Variants in ZNF879 observed in about 807,000 individuals in gnomAD.
ZNF879 encodes zinc finger protein 879.
Under a neutral mutation model 44.3 loss-of-function variants are expected in ZNF879, and 32 were observed. That is an observed-to-expected ratio of 0.72 (90% CI 0.54 to 0.97). The LOEUF (loss-of-function observed/expected upper bound fraction) is 0.97, where lower values mean the gene tolerates loss of function less well. ZNF879 is among the 50% of genes least tolerant of loss of function. The pLI, the probability that ZNF879 is intolerant of heterozygous loss-of-function variation, is 0.00. For synonymous variants in ZNF879, 234 were observed against 233.2 expected, an observed-to-expected ratio of 1.00 and a Z score of -0.03; for missense variants, 621 against 669.7, an observed-to-expected ratio of 0.93 and a Z score of 0.80.
rs1160907038 is a variant in ZNF879, at chr5:179,034,427, CAG to C, written c.*789_*790del. On this transcript the variant is annotated 3_prime_UTR_variant, in exon 5 of 5. Transcript: ENST00000444149. ...TACTGAAAAATGTTATAAATTATCTCAGAATGTAGCCAATAGCAAGCACAGCT... is the reference window on the plus strand; with the variant it reads ...TACTGAAAAATGTTATAAATTATCTCAATGTAGCCAATAGCAAGCACAGCT... 6.6e-6 allele frequency: 1 copy of C among 152,218 alleles called. No homozygotes were observed. Among genetic ancestry groups the C allele is most frequent in the East Asian group, 1.9e-4 (1 of 5,198 alleles). The allele number at this position is 152,218 out of a possible 1,614,324, so 9.4% of individuals were successfully genotyped here. A position where few individuals can be genotyped will look rare whatever the true frequency, so the allele number is the denominator to read the frequency against.
intron 4 of ZNF879, 92 bp downstream of exon 4, chr5:179,028,219 C>A: frequency 8.9e-7 from 1 of 1,122,518 alleles, no homozygotes; most frequent in Non-Finnish European, 1.3e-6. Context: ...CCTTGATGTG[C>A]CAGGCCAGGG....
intron 1 of ZNF879, 56 bp from the exon 2 acceptor site, chr5:179,024,914 G>A: frequency 7.3e-7 from 1 of 1,379,266 alleles, no homozygotes; most frequent in African/African-American, 1.4e-5. Context: ...CTGGCCTAAT[G>A]AGGGTGGGCA....
chr5:179,024,837 C>A, intron 1 of ZNF879, 133 bp from the exon 2 acceptor site: 2 of 647,004 alleles, frequency 3.1e-6, no homozygotes, highest in Non-Finnish European at 5.3e-6. Context: ...GGACTTAGGG[C>A]CCCTCTGGCC....
At chr5:179,025,840 C>T (rs1247239983) in intron 2 of ZNF879, among the ~76,000 whole-genome samples, 1 of 151,982 alleles carries the variant, frequency 6.6e-6, no homozygotes, top group Non-Finnish European at 1.5e-5. Context: ...TCACTTGAAC[C>T]CGGGAGGCAG....
chr5:179,027,410 G>A (rs1761300005), intron 2 of ZNF879, 63 bp from the exon 3 acceptor site: 1 of 1,595,658 alleles, frequency 6.3e-7, no homozygotes, highest in African/African-American at 1.3e-5. Context: ...TGACAGGGTT[G>A]CTTCTCAGTC....
intron 2 of ZNF879, among the ~76,000 whole-genome samples, chr5:179,026,918 C>T (rs1026473634): frequency 6.6e-6 from 1 of 152,194 alleles, no homozygotes; most frequent in East Asian, 1.9e-4. Context: ...CCATAGCCTT[C>T]TCCTCTGGCT....
chr5:179,025,107 T>A (rs538716276), intron 2 of ZNF879, 70 bp downstream of exon 2: 228 of 1,520,860 alleles, frequency 1.5e-4, no homozygotes, highest in Non-Finnish European at 6.3e-6. Context: ...TCATCTGTTG[T>A]TGAGCTTCTC....
intron 4 of ZNF879, among the ~76,000 whole-genome samples, chr5:179,030,335 T>C (rs1036785267): frequency 3.3e-5 from 5 of 152,230 alleles, no homozygotes; most frequent in African/African-American, 1.2e-4. Context: ...TCTGCACAGA[T>C]AACTGTGCAG....
intron 4 of ZNF879, among the ~76,000 whole-genome samples, chr5:179,029,782 A>T (rs1761373588): frequency 6.6e-6 from 1 of 152,212 alleles, no homozygotes; most frequent in South Asian, 2.1e-4. Context: ...TGAGAGAGAG[A>T]TACAGAAAGA....
Position 179,033,014 on chromosome 5 carries a change from A to G in ZNF879, c.1066A>G (p.Ile356Val), listed in dbSNP as rs973964041. 64 of 1,556,514 alleles carry G rather than the reference A, an allele frequency of 4.1e-5. No homozygotes were observed. Among genetic ancestry groups the G allele is most frequent in the Middle Eastern group, 1.7e-4 (1 of 6,018 alleles). Residue 356 changes from isoleucine (I) to valine (V), a missense_variant, in exon 5 of 5, where the codon ATA becomes GTA. Coordinates refer to ENST00000444149, the MANE Select transcript of ZNF879 (RefSeq NM_001136116.3). ...TCAGTGTGGGAAAGCCTTCACTTCA[A>G]TATCGCGGCTAAGTAGGCACCATCG... ...CTQCGKAFTS[I>V]SRLSRHHRIH...
chr5:179,033,310 A>C lies in ZNF879; in HGVS notation c.1362A>C (p.Lys454Asn), dbSNP rs543177356. The part of the protein sequence containing the change: ...NIHHRIHTGE[K>N]PYNCKECGKA... ...ATCACAGAATTCACACTGGAGAGAA[A>C]CCATATAATTGTAAGGAATGTGGAA... is the stretch of plus-strand genomic sequence containing the variant. The change falls in exon 5 of 5, where the codon AAA becomes AAC. Residue 454 changes from lysine (K) to asparagine (N), a missense_variant. Physicochemically the swap from Lys to Asn is moderately conservative, Grantham distance 94. Coordinates refer to ENST00000444149, the MANE Select transcript of ZNF879 (RefSeq NM_001136116.3). 5.7e-6 allele frequency: 9 copies of C among 1,574,962 alleles called. No homozygotes were observed. Among genetic ancestry groups the C allele is most frequent in the Non-Finnish European group, 7.8e-6 (9 of 1,160,098 alleles).
At chr5:179,027,883 C>A (rs529430217) in intron 3 of ZNF879, 149 bp from the exon 4 acceptor site, 2 of 748,328 alleles carry the variant, frequency 2.7e-6, no homozygotes, top group Non-Finnish European at 4.4e-6. Context: ...CTTCCTGGGA[C>A]CATCTCCTGG....
intron 3 of ZNF879, 30 bp from the exon 4 acceptor site, chr5:179,028,002 C>T (rs973203498): frequency 4.5e-5 from 70 of 1,543,230 alleles, no homozygotes; most frequent in Non-Finnish European, 5.4e-5. Flanking sequence ...CTACGATGGC[C>T]GCTCACGTTT....
chr5:179,025,041 A>C lies in ZNF879; in HGVS notation c.33+4A>C. On this transcript the variant is annotated splice_donor_region_variant and intron_variant, in intron 2 of 4. Coordinates refer to ENST00000444149, the MANE Select transcript of ZNF879 (RefSeq NM_001136116.3). ...GTTGCTGCCAGCCCATGTACAGGTG[A>C]GTGAAGGCTTCTTTTTGCTTGAACT... 6 of 1,551,474 alleles carry C rather than the reference A, an allele frequency of 3.9e-6. No homozygotes were observed. The highest frequency in any genetic ancestry group is 5.2e-6 in the Non-Finnish European group (6 of 1,146,858).
chr5:179,025,000 G>T lies in ZNF879; in HGVS notation c.-5G>T. 1 of 1,551,658 alleles carries T rather than the reference G, an allele frequency of 6.4e-7. No individual in the cohort carries two copies. The highest frequency in any genetic ancestry group is 8.7e-7 in the Non-Finnish European group (1 of 1,146,970). On this transcript the variant is annotated 5_prime_UTR_variant, in exon 2 of 5. Transcript: ENST00000444149. ...TTCTCCAAGAGAGGCAGCAGGGAGG[G>T]AGAAATGGCAAGGAGGTTGCTGCCA...
chr5:179,027,555 A>G lies in ZNF879; in HGVS notation c.116A>G (p.Tyr39Cys). 1 of 1,614,108 alleles carries G rather than the reference A, an allele frequency of 6.2e-7. No individual in the cohort carries two copies. Among genetic ancestry groups the G allele is most frequent in the South Asian group, 1.1e-5 (1 of 91,074 alleles). ...CTGGACTCTGCCCAGAGAGCCTTGT[A>G]CCGGGAGGTGATGCTGGAGAACTAC... ...LHLDSAQRALYREVMLENYSI... is the reference protein window; with the variant it reads ...LHLDSAQRALCREVMLENYSI... The change falls in exon 3 of 5, where the codon TAC (tyrosine) becomes TGC (cysteine). Residue 39 changes from tyrosine to cysteine, a missense_variant. Tyr to Cys is a radical substitution (Grantham distance 194). Transcript: ENST00000444149.
At chr5:179,024,801 T>G in intron 1 of ZNF879, 169 bp from the exon 2 acceptor site, 1 of 583,742 alleles carries the variant, frequency 1.7e-6, no homozygotes, top group Non-Finnish European at 3.1e-6. Context: ...ACTCTGAACC[T>G]GCTTCCCACA....
At chr5:179,025,602 C>T (rs897411376) in intron 2 of ZNF879, among the ~76,000 whole-genome samples, 2 of 152,172 alleles carry the variant, frequency 1.3e-5, no homozygotes, top group Non-Finnish European at 2.9e-5. Context: ...AGGACAAAGA[C>T]ACGGAGGAGT....
chr5:179,029,302 AAG>A (rs1761361501), intron 4 of ZNF879, among the ~76,000 whole-genome samples: 2 of 152,140 alleles, frequency 1.3e-5, no homozygotes, highest in Admixed American at 6.5e-5. Context: ...GGTTATATGA[AAG>A]AGTATTTTTT....
Sources: allele counts gnomAD v4.1 joint callset (sites outside exome capture counted in the v4.1 genomes callset), GRCh38; gene constraint gnomAD v4.1.1; transcripts MANE v1.5; gene names NCBI Gene and HGNC (gene_info 2026-07-23, HGNC 2026-07-21).